Variants in LRRK1 observed in about 807,000 individuals in gnomAD.
LRRK1 encodes leucine-rich repeat serine/threonine-protein kinase 1.
Under a neutral mutation model 209.1 loss-of-function variants are expected in LRRK1, and 113 were observed. The ratio of observed to expected loss-of-function variants is 0.54; its 90% CI spans 0.46 to 0.63. The LOEUF (loss-of-function observed/expected upper bound fraction) is 0.63, where lower values mean the gene tolerates loss of function less well. LRRK1 is among the 30% of genes least tolerant of loss of function. The pLI is 0.00. For missense variants in LRRK1, 2,284 were observed against 2,632.2 expected, an observed-to-expected ratio of 0.87 and a Z score of 2.89; for synonymous variants, 1,144 against 1,099.7, an observed-to-expected ratio of 1.04 and a Z score of -0.80.
At chr15:101,005,942 G>A (rs183220583) in intron 6 of LRRK1, among the ~76,000 whole-genome samples, 19 of 152,208 alleles carry the variant, frequency 1.2e-4, no homozygotes, top group East Asian at 3.8e-4. Context: ...TGCAACCACC[G>A]TTGTACTAAT....
chr15:101,014,552 C>G, intron 11 of LRRK1, 124 bp downstream of exon 11: 3 of 687,526 alleles, frequency 4.4e-6, no homozygotes, highest in Non-Finnish European at 7.6e-6. Context: ...GGGGGCTTAA[C>G]AACAGAAATC....
chr15:101,062,466 A>G, intron 30 of LRRK1, 108 bp from the exon 31 acceptor site: 2 of 765,710 alleles, frequency 2.6e-6, no homozygotes, highest in South Asian at 3.0e-5. Context: ...TAACTTTCCA[A>G]GACCCATAGG....
intron 27 of LRRK1, among the ~76,000 whole-genome samples, chr15:101,056,372 TA>T (rs1365614483): frequency 6.6e-6 from 1 of 152,208 alleles, no homozygotes; most frequent in Non-Finnish European, 1.5e-5. Flanking sequence ...TTGGAGTCCT[TA>T]ATCAGTGACT....
chr15:101,005,192 C>T (rs2032884555), intron 6 of LRRK1, among the ~76,000 whole-genome samples: 1 of 152,142 alleles, frequency 6.6e-6, no homozygotes, highest in Non-Finnish European at 1.5e-5. Flanking sequence ...GGCAGACAGG[C>T]CCTGTGGAGC....
In LRRK1 at chr15:100,971,969, T is replaced by TC. The variant is rs1358378681; in HGVS notation, c.98-1835_98-1834insC. Reference sequence around the variant, plus strand: ...TGGCTGTTGCAAATGACAAAAGAATTTTTTTTTTTTTTAGACAGAGTTTCG... The same window carrying TC: ...TGGCTGTTGCAAATGACAAAAGAATTCTTTTTTTTTTTTAGACAGAGTTTCG... On this transcript the variant is annotated intron_variant, in intron 2 of 33. Transcript: ENST00000388948. Among the ~76,000 whole-genome samples the TC allele has an allele frequency of 1.6e-4, 24 of 149,954 alleles. No individual in the cohort carries two copies. In the East Asian group the frequency reaches 4.5e-3, roughly 28 times the overall value.
At chr15:100,933,821 C>CAAAAAAAAAA (rs67129854) in intron 2 of LRRK1, among the ~76,000 whole-genome samples, 4 of 42,864 alleles carry the variant, frequency 9.3e-5, no homozygotes, top group African/African-American at 1.8e-4. Flanking sequence ...GACTCCATCT[C>CAAAAAAAAAA]AAAAAAAAAA....
chr15:100,924,230 G>A (rs1450834592), intron 1 of LRRK1, among the ~76,000 whole-genome samples: 3 of 152,202 alleles, frequency 2.0e-5, no homozygotes, highest in Admixed American at 1.3e-4. Context: ...GTAGGTGTGC[G>A]TTGACTGAAC....
chr15:100,961,593 C>G lies in LRRK1; in HGVS notation c.98-12211C>G, dbSNP rs1371873279. ...ACTTGAATCTGGGAGGCAGAGGTTG[C>G]AGTTAGCCGAGATCGCGCCACCGCA... On this transcript the variant is annotated intron_variant, in intron 2 of 33. Transcript: ENST00000388948. Among the ~76,000 whole-genome samples, 5 of 149,642 alleles carry G rather than the reference C, an allele frequency of 3.3e-5. No homozygotes were observed. In the East Asian group the frequency reaches 9.9e-4, roughly 30 times the overall value.
In LRRK1 at chr15:101,027,532, G is replaced by A; in HGVS notation, c.2527-106G>A. ...AGGGTCAGGATGGAAGATAGTGGGT[G>A]GAAACGTCCCACCCCCTCAGGCCAC... On this transcript the variant is annotated intron_variant, in intron 18 of 33. Coordinates refer to ENST00000388948, the MANE Select transcript of LRRK1 (RefSeq NM_024652.6). This position sits in a 1 kb window ranked among gnomAD's most constrained non-coding sequence, Gnocchi z 5.1. 1 of 1,500,174 alleles carries A rather than the reference G, an allele frequency of 6.7e-7. No individual in the cohort carries two copies. Among genetic ancestry groups the A allele is most frequent in the Non-Finnish European group, 9.0e-7 (1 of 1,113,752 alleles). 92.9% of individuals were successfully genotyped at this position (1,500,174 alleles called of 1,614,324 possible).
chr15:100,971,623 T>C (rs778275650), intron 2 of LRRK1, among the ~76,000 whole-genome samples: 1 of 152,238 alleles, frequency 6.6e-6, no homozygotes, highest in Non-Finnish European at 1.5e-5. Flanking sequence ...GTATATAGTA[T>C]GTGGTGATCC....
intron 2 of LRRK1, among the ~76,000 whole-genome samples, chr15:100,930,761 C>T (rs1435559279): frequency 6.6e-6 from 1 of 152,186 alleles, no homozygotes; most frequent in Non-Finnish European, 1.5e-5. Flanking sequence ...CTGTGCAGAG[C>T]GACAAGGATT....
chr15:101,058,079 C>T lies in LRRK1; in HGVS notation c.4617C>T (p.Ala1539=), dbSNP rs1422486405. ...MYELCCGKQT[A]FFSSQGQEYT... ...AACTGTGCTGTGGGAAGCAGACAGCCTTCTTCTCATCCCAGGGCCAGGAGT... is the reference window on the plus strand; with the variant it reads ...AACTGTGCTGTGGGAAGCAGACAGCTTTCTTCTCATCCCAGGGCCAGGAGT... Residue 1539 remains alanine (A), a synonymous_variant, in exon 29 of 34, where the codon GCC becomes GCT. Transcript: ENST00000388948. The T allele has an allele frequency of 1.2e-6, 2 of 1,614,130 alleles. No homozygotes were observed. The highest frequency in any genetic ancestry group is 2.2e-5 in the East Asian group (1 of 44,884).
intron 10 of LRRK1, among the ~76,000 whole-genome samples, chr15:101,012,804 A>G (rs910701513): frequency 1.3e-5 from 2 of 152,184 alleles, no homozygotes; most frequent in Admixed American, 6.5e-5. Flanking sequence ...AGGATGGGCT[A>G]TCATGTCCTA....
At position 100,927,559 on chromosome 15, in the gene LRRK1, G is replaced by C. The variant is rs1020057348; in HGVS notation, c.97+2830G>C. ...AGGAGCTTGAAGTAGGGACAGGACA[G>C]GGAAGTGACACCCTGGGAACCCCTG... On this transcript the variant is annotated intron_variant, in intron 2 of 33. Transcript: ENST00000388948. Among the ~76,000 whole-genome samples, 3 of 152,182 alleles carry C rather than the reference G, an allele frequency of 2.0e-5. No individual in the cohort carries two copies. In the East Asian group the frequency reaches 5.8e-4, roughly 29 times the overall value.
chr15:100,988,620 C>T lies in LRRK1; in HGVS notation c.434-14C>T, dbSNP rs1424057314. ...TCAGTGGCACTTTCCCTTTGTCCTGCCATCTCCTGCCAGGTCCCTGCAGTC... is the reference window on the plus strand; with the variant it reads ...TCAGTGGCACTTTCCCTTTGTCCTGTCATCTCCTGCCAGGTCCCTGCAGTC... On this transcript the variant is annotated splice_polypyrimidine_tract_variant and intron_variant, in intron 4 of 33. Transcript: ENST00000388948. 1.2e-6 allele frequency: 2 copies of T among 1,613,912 alleles called. No individual in the cohort carries two copies.
rs1281214969 is a variant in LRRK1 at position 101,051,756 on chromosome 15, A to G, written c.3485A>G (p.Tyr1162Cys). ...ESDGTPLMEQ[Y>C]VPCPVCETAW... ...GACGGGACGCCACTCATGGAGCAGT[A>G]CGTGCCCTGCCCGGTCTGCGAGACA... Residue 1162 changes from tyrosine to cysteine, a missense_variant, in exon 24 of 34, where the codon TAC becomes TGC. This residue lies in a region of LRRK1 where 780 missense variants were observed against 985.2 expected (regional missense o/e 0.79). Coordinates refer to ENST00000388948, the MANE Select transcript of LRRK1 (RefSeq NM_024652.6). The G allele has an allele frequency of 1.5e-5, 24 of 1,613,882 alleles. No individual in the cohort carries two copies. The highest frequency in any genetic ancestry group is 2.2e-5 in the South Asian group (2 of 91,090).
intron 2 of LRRK1, among the ~76,000 whole-genome samples, chr15:100,968,749 T>TTTCTTTCC (rs2030654728): frequency 6.7e-6 from 1 of 150,368 alleles, no homozygotes; most frequent in African/African-American, 2.5e-5. Flanking sequence ...TTTTCCTTTC[T>TTTCTTTCC]TTCTTTCCTT....
intron 24 of LRRK1, 93 bp downstream of exon 24, chr15:101,052,053 C>A: frequency 6.8e-7 from 1 of 1,467,516 alleles, no homozygotes. Context: ...GAAGACCCCT[C>A]TGGGGCGGGC....
At position 101,008,840 on chromosome 15, in the gene LRRK1, C is replaced by T; in HGVS notation, c.766C>T (p.Leu256Phe). 1.2e-6 allele frequency: 2 copies of T among 1,612,322 alleles called. No homozygotes were observed. The highest frequency in any genetic ancestry group is 1.7e-6 in the Non-Finnish European group (2 of 1,178,332). The change falls in exon 7 of 34, where the codon CTC becomes TTC. Residue 256 changes from leucine (L) to phenylalanine (F), a missense_variant. By Grantham distance (22) the Leu-to-Phe change is conservative. Transcript: ENST00000388948. The part of the protein sequence containing the change: ...LPSSYPGKTA[L>F]RVKWSHLRLP... ...TTTCCTTTCTTTCCACCACCAGGCT[C>T]TCCGTGTGAAATGGTCCCATCTCAG...
Sources: gnomAD v4.1 joint callset for allele counts (sites outside exome capture counted in the v4.1 genomes callset) on GRCh38, gnomAD v4.1.1 for gene constraint, gnomAD v4.1.1 regional missense constraint, Gnocchi (gnomAD v3.1) non-coding constraint, MANE v1.5 for transcripts, NCBI Gene and HGNC (gene_info 2026-07-23, HGNC 2026-07-21) for gene names.